MAD1L1: variants seen among roughly 807,000 people sequenced by gnomAD.
MAD1L1 encodes mitotic spindle assembly checkpoint protein MAD1.
Under a neutral mutation model 96.9 loss-of-function variants are expected in MAD1L1, and 95 were observed. The ratio of observed to expected loss-of-function variants is 0.98; its 90% confidence interval spans 0.83 to 1.16. The LOEUF (loss-of-function observed/expected upper bound fraction) is 1.16, where lower values mean the gene tolerates loss of function less well. Among genes scored for constraint, MAD1L1 ranks in the 50% most tolerant of loss-of-function variants. The pLI is 0.00. For missense variants in MAD1L1, 1,007 were observed against 954.4 expected, an observed-to-expected ratio of 1.06 and a Z score of -0.73; for synonymous variants, 473 against 396.6, an observed-to-expected ratio of 1.19 and a Z score of -2.29.
intron 11 of MAD1L1, among the ~76,000 whole-genome samples, chr7:2,096,276 T>C (rs1786485292): frequency 6.6e-6 from 1 of 152,174 alleles, no homozygotes; most frequent in South Asian, 2.1e-4. Flanking sequence ...GGCCCTGTGA[T>C]CCCAGGGAGA....
intron 15 of MAD1L1, among the ~76,000 whole-genome samples, chr7:1,963,042 C>T (rs1277198585): frequency 1.3e-5 from 2 of 152,212 alleles, no homozygotes; most frequent in Non-Finnish European, 2.9e-5. Context: ...CTCTGGAAGA[C>T]GGGCAACCTC....
intron 18 of MAD1L1, among the ~76,000 whole-genome samples, chr7:1,851,211 G>A (rs955791179): frequency 2.0e-5 from 3 of 152,140 alleles, no homozygotes; most frequent in South Asian, 2.1e-4. Flanking sequence ...GCAGGAGCCC[G>A]GCCTCGGCCG....
At chr7:2,228,731 T>C (rs1794040388) in intron 3 of MAD1L1, among the ~76,000 whole-genome samples, 2 of 140,628 alleles carry the variant, frequency 1.4e-5, no homozygotes, top group African/African-American at 2.7e-5. Context: ...GTGAGCAAGC[T>C]AGCAACTAGC....
chr7:2,012,693 A>G (rs2128497440), intron 13 of MAD1L1, among the ~76,000 whole-genome samples: 1 of 152,312 alleles, frequency 6.6e-6, no homozygotes, highest in Non-Finnish European at 1.5e-5. Context: ...CACTCTTGTC[A>G]AGCGTGGTGG....
At chr7:1,846,759 C>G (rs1783649692) in intron 18 of MAD1L1, 1 of 169,676 alleles carries the variant, frequency 5.9e-6, no homozygotes, top group African/African-American at 2.4e-5. Flanking sequence ...CCCCACCGCT[C>G]CCCCTCATAG....
intron 10 of MAD1L1, among the ~76,000 whole-genome samples, chr7:2,186,623 T>C (rs536885754): frequency 6.6e-6 from 1 of 152,346 alleles, no homozygotes; most frequent in African/African-American, 2.4e-5. Flanking sequence ...TACATTATCC[T>C]GTACAATATT....
In MAD1L1 at chr7:1,816,212, C is replaced by G. The variant is rs1781792916; in HGVS notation, c.2015G>C (p.Gly672Ala). 1 of 1,612,746 alleles carries G rather than the reference C, an allele frequency of 6.2e-7. No individual in the cohort carries two copies. Among genetic ancestry groups the G allele is most frequent in the Non-Finnish European group, 8.5e-7 (1 of 1,179,534 alleles). Reference sequence around the variant, plus strand: ...TGTCTCCAGTAGCTGCATCTTGGAACCCGAGGGGCTGGTGGCCTGCGGGGC... The same window carrying G: ...TGTCTCCAGTAGCTGCATCTTGGAAGCCGAGGGGCTGGTGGCCTGCGGGGC... ...CLIFKATSPSGSKMQLLETEF... is the reference protein window; with the variant it reads ...CLIFKATSPSASKMQLLETEF... The change falls in exon 19 of 19, where the codon GGT (glycine) becomes GCT (alanine). Residue 672 changes from glycine to alanine, a missense_variant. Physicochemically the swap from Gly to Ala is moderately conservative, Grantham distance 60. Coordinates refer to ENST00000265854, the MANE Select transcript of MAD1L1 (RefSeq NM_001013836.2).
At chr7:2,009,925 C>T (rs951337556) in intron 13 of MAD1L1, among the ~76,000 whole-genome samples, 6 of 152,176 alleles carry the variant, frequency 3.9e-5, no homozygotes, top group Admixed American at 1.3e-4. Flanking sequence ...ACTGCACAGA[C>T]GCCCCGTTCT....
intron 15 of MAD1L1, among the ~76,000 whole-genome samples, chr7:1,977,385 G>A (rs570068150): frequency 1.8e-4 from 27 of 152,364 alleles, no homozygotes; most frequent in Non-Finnish European, 3.2e-4. Flanking sequence ...GCCCGGGGCC[G>A]GCAACGCTGG....
chr7:2,097,556 T>C lies in MAD1L1; in HGVS notation c.1074-28218A>G, dbSNP rs181591006. On this transcript the variant is annotated intron_variant, in intron 11 of 18. Transcript: ENST00000265854. Reference sequence around the variant, plus strand: ...GGAACCCAAGCTGGGAGCCAGGCAGTGAATGAGAAAGTGCTTCTCACACCT... The same window carrying C: ...GGAACCCAAGCTGGGAGCCAGGCAGCGAATGAGAAAGTGCTTCTCACACCT... 3.5e-3 allele frequency among the ~76,000 whole-genome samples: 530 copies of C among 151,934 alleles called. 3 individuals are homozygous for C. The highest frequency in any genetic ancestry group is 0.012 in the African/African-American group (492 of 41,430).
intron 11 of MAD1L1, among the ~76,000 whole-genome samples, chr7:2,073,137 C>T (rs1009475033): frequency 6.6e-6 from 1 of 152,206 alleles, no homozygotes; most frequent in African/African-American, 2.4e-5. Context: ...GGCACCGAGG[C>T]GCCCCAAGCC....
At chr7:2,127,869 G>A (rs573290604) in intron 11 of MAD1L1, among the ~76,000 whole-genome samples, 137 of 152,260 alleles carry the variant, frequency 9.0e-4, no homozygotes, top group African/African-American at 3.1e-3. Context: ...ACGCAGGCAC[G>A]CAGCTGGCAA....
chr7:1,816,022 A>G lies in MAD1L1; in HGVS notation c.*48T>C. 1 of 1,535,552 alleles carries G rather than the reference A, an allele frequency of 6.5e-7. No individual in the cohort carries two copies. The highest frequency in any genetic ancestry group is 2.4e-5 in the East Asian group (1 of 42,380). ...GTGGCTGGCGGGGCAGGGGACCTGC[A>G]GGTCAGGCCAAGCAGAGTGGCTCCG... On this transcript the variant is annotated 3_prime_UTR_variant, in exon 19 of 19. Transcript: ENST00000265854.
chr7:1,960,686 G>A (rs4719370), intron 15 of MAD1L1, among the ~76,000 whole-genome samples: 2 of 152,250 alleles, frequency 1.3e-5, no homozygotes, highest in Admixed American at 6.5e-5. Flanking sequence ...AGAAATAGAC[G>A]GGTCCTCAAT....
chr7:1,889,751 T>A lies in MAD1L1; in HGVS notation c.1998+8449A>T, dbSNP rs115025788. On this transcript the variant is annotated intron_variant, in intron 18 of 18. Transcript: ENST00000265854. ...CTGCAGGCCGGATGCTGCTGTCAGC[T>A]GAGCCTGCCATGTTTGTGGCTTGGC... Among the ~76,000 whole-genome samples the A allele has an allele frequency of 8.3e-3, 1,263 of 152,298 alleles. 16 individuals carry two copies. Among genetic ancestry groups the A allele is most frequent in the African/African-American group, 0.029 (1,209 of 41,552 alleles).
At chr7:1,966,057 C>G (rs1237000273) in intron 15 of MAD1L1, among the ~76,000 whole-genome samples, 1 of 152,224 alleles carries the variant, frequency 6.6e-6, no homozygotes, top group African/African-American at 2.4e-5. Context: ...GTGCCTGGGT[C>G]CCATCCACAC....
chr7:2,060,200 T>G (rs1784584291), intron 12 of MAD1L1, among the ~76,000 whole-genome samples: 1 of 149,368 alleles, frequency 6.7e-6, no homozygotes, highest in African/African-American at 2.5e-5. Context: ...GATGCCAAGA[T>G]ACGCAGATGC....
intron 18 of MAD1L1, 175 bp downstream of exon 18, chr7:1,898,025 C>A: frequency 1.4e-6 from 1 of 692,408 alleles, no homozygotes; most frequent in Non-Finnish European, 2.5e-6. Flanking sequence ...TGGCCCAAGG[C>A]TGAGAAGCCT....
intron 15 of MAD1L1, among the ~76,000 whole-genome samples, chr7:1,980,184 G>A (rs1562579964): frequency 6.6e-6 from 1 of 152,052 alleles, no homozygotes; most frequent in African/African-American, 2.4e-5. Flanking sequence ...CTGAGCGTGC[G>A]CACCTCCCCG....
Sources: allele counts gnomAD v4.1 joint callset (sites outside exome capture counted in the v4.1 genomes callset), GRCh38; gene constraint gnomAD v4.1.1; transcripts MANE v1.5; gene names NCBI Gene and HGNC (gene_info 2026-07-23, HGNC 2026-07-21).